Variants in SP140 observed in about 807,000 individuals in gnomAD.
SP140 encodes the protein SP140 nuclear body protein, also known as nuclear body protein SP140.
SP140 carries 81 observed loss-of-function variants against 125.0 expected under a neutral mutation model. The ratio of observed to expected loss-of-function variants is 0.65; its 90% CI spans 0.54 to 0.78. SP140 has a LOEUF of 0.78. Ranked by LOEUF, SP140 falls within the 30% of genes least tolerant of loss-of-function variation. The pLI is 0.00. For missense variants in SP140, 858 were observed against 1,037.0 expected, an observed-to-expected ratio of 0.83 and a Z score of 2.37; for synonymous variants, 312 against 354.0, an observed-to-expected ratio of 0.88 and a Z score of 1.33.
intron 7 of SP140, among the ~76,000 whole-genome samples, chr2:230,247,247 A>G (rs2049595713): frequency 6.6e-6 from 1 of 152,198 alleles, no homozygotes; most frequent in Admixed American, 6.5e-5. Flanking sequence ...GATGTTTTTC[A>G]GGAACCTCAA....
intron 1 of SP140, among the ~76,000 whole-genome samples, 189 bp from the exon 2 acceptor site, chr2:230,236,894 G>A (rs2048092931): frequency 6.6e-6 from 1 of 152,108 alleles, no homozygotes; most frequent in Non-Finnish European, 1.5e-5. Context: ...TAAGTTCACT[G>A]TTTTCATCTT....
intron 21 of SP140, among the ~76,000 whole-genome samples, chr2:230,294,529 C>T (rs1283186358): frequency 1.3e-5 from 2 of 152,108 alleles, no homozygotes; most frequent in East Asian, 3.8e-4. Flanking sequence ...TGGATTCAAC[C>T]ATTTCATATG....
At chr2:230,262,272 T>C (rs573054609) in intron 12 of SP140, among the ~76,000 whole-genome samples, 1 of 152,312 alleles carries the variant, frequency 6.6e-6, no homozygotes, top group South Asian at 2.1e-4. Context: ...TGATCTTTTG[T>C]ATTTCACTGG....
chr2:230,221,586 C>T (rs964628704), upstream of SP140: 11 of 1,008,398 alleles, frequency 1.1e-5, no homozygotes, highest in Middle Eastern at 2.6e-4. Flanking sequence ...TCAATGCTAA[C>T]AGCTGAGGAG....
At chr2:230,225,511 TTCC>T (rs1364654241), upstream of SP140, 1 of 393,280 alleles carries the variant, frequency 2.5e-6, no homozygotes, top group African/African-American at 2.1e-5. Flanking sequence ...CAGAGTTTAC[TTCC>T]TCCTCATGAT....
chr2:230,281,455 G>T (rs1002670749), intron 15 of SP140, among the ~76,000 whole-genome samples: 5 of 152,122 alleles, frequency 3.3e-5, no homozygotes, highest in African/African-American at 1.2e-4. Context: ...AGTATTAAGT[G>T]TACCATTTGA....
intron 3 of SP140, chr2:230,215,168 G>A (rs1177007977): frequency 4.2e-6 from 6 of 1,419,488 alleles, no homozygotes; most frequent in Admixed American, 3.4e-5. Context: ...AATTGAATGG[G>A]AAGTTATACA....
At chr2:230,208,872 G>C (rs528818703) in intron 1 of SP140, among the ~76,000 whole-genome samples, 4 of 152,154 alleles carry the variant, frequency 2.6e-5, no homozygotes, top group Non-Finnish European at 4.4e-5. Context: ...GCAGGTTTAA[G>C]ATAATGGCAA....
intron 1 of SP140, among the ~76,000 whole-genome samples, chr2:230,204,773 G>A (rs763315175): frequency 6.6e-6 from 1 of 152,098 alleles, no homozygotes; most frequent in African/African-American, 2.4e-5. Context: ...CTAATTTAGG[G>A]GTCAGAGTAT....
At chr2:230,204,974 A>T (rs185370165) in intron 1 of SP140, among the ~76,000 whole-genome samples, 1 of 152,306 alleles carries the variant, frequency 6.6e-6, no homozygotes, top group Admixed American at 6.5e-5. Context: ...GTGGAAAGAG[A>T]TATATTAATA....
chr2:230,243,940 C>A (rs2049056872), intron 5 of SP140, 129 bp downstream of exon 5: 2 of 609,746 alleles, frequency 3.3e-6, no homozygotes, highest in Non-Finnish European at 5.8e-6. Context: ...GTCCTTGGAT[C>A]CTATAATTCT....
At chr2:230,313,959 A>G (rs2059461993), downstream of SP140, among the ~76,000 whole-genome samples, 1 of 152,228 alleles carries the variant, frequency 6.6e-6, no homozygotes, top group African/African-American at 2.4e-5. Flanking sequence ...AGTAAATGAC[A>G]GGTTTAGATC....
At chr2:230,238,765 T>C (rs1429196650) in intron 3 of SP140, 3 of 1,549,996 alleles carry the variant, frequency 1.9e-6, no homozygotes, top group Non-Finnish European at 2.6e-6. Flanking sequence ...TATTAGAAAA[T>C]TTATCATCCA....
downstream of SP140, among the ~76,000 whole-genome samples, chr2:230,313,751 G>T (rs1378769992): frequency 1.5e-4 from 23 of 152,174 alleles, no homozygotes; most frequent in Admixed American, 1.5e-3. Flanking sequence ...CAATGGTGCT[G>T]GGCAGAATAT....
rs189912238 is a variant in SP140 at position 230,272,159 on chromosome 2, C to A, written c.1498+1520C>A. On this transcript the variant is annotated intron_variant, in intron 15 of 26. Transcript: ENST00000392045. ...TACTGCCCAAAGCAATTTATAAATT[C>A]AATGCTATTGCCATTAAGCTACCAT... Among the ~76,000 whole-genome samples, 27 of 152,180 alleles carry A rather than the reference C, an allele frequency of 1.8e-4. No homozygotes were observed. The East Asian group carries it at 3.9e-3, about 22-fold the overall frequency.
intron 18 of SP140, chr2:230,288,184 G>A (rs915688609): frequency 1.5e-5 from 7 of 458,344 alleles, no homozygotes; most frequent in South Asian, 3.8e-5. Flanking sequence ...GGGCCCAGGG[G>A]CCACTAAAGT....
At position 230,310,725 on chromosome 2, in the gene SP140, C is replaced by A. The variant is rs201272895; in HGVS notation, c.2175-18C>A. Reference sequence around the variant, plus strand: ...TCCAAGCTCCCTGCCCTCTGCTCACCCATGTCCAATCTCTCAGGACCCCGT... The same window carrying A: ...TCCAAGCTCCCTGCCCTCTGCTCACACATGTCCAATCTCTCAGGACCCCGT... On this transcript the variant is annotated intron_variant, in intron 23 of 26. Transcript: ENST00000392045. 2.4e-3 allele frequency: 3,526 copies of A among 1,482,870 alleles called. 82 individuals carry two copies. The African/African-American group carries it at 0.043, about 18-fold the overall frequency. The allele number at this position is 1,482,870 out of a possible 1,614,324, so 91.9% of individuals were successfully genotyped here. A position where few individuals can be genotyped will look rare whatever the true frequency, so the allele number is the denominator to read the frequency against.
chr2:230,256,817 A>G (rs1458363867), intron 12 of SP140, among the ~76,000 whole-genome samples: 1 of 152,182 alleles, frequency 6.6e-6, no homozygotes, highest in Admixed American at 6.5e-5. Flanking sequence ...CAGAACTTAG[A>G]TCAACTATTT....
upstream of SP140, among the ~76,000 whole-genome samples, chr2:230,224,217 A>C (rs1574840008): frequency 6.6e-6 from 1 of 152,200 alleles, no homozygotes; most frequent in African/African-American, 2.4e-5. Context: ...TTGTGCTTAT[A>C]AGCAAAAGAA....
Sources: gnomAD v4.1 joint callset for allele counts (sites outside exome capture counted in the v4.1 genomes callset) on GRCh38, gnomAD v4.1.1 for gene constraint, MANE v1.5 for transcripts, NCBI Gene and HGNC (gene_info 2026-07-23, HGNC 2026-07-21) for gene names.